KLRG1: variants seen among roughly 807,000 people sequenced by gnomAD.
KLRG1 encodes killer cell lectin like receptor G1.
In KLRG1, 16 loss-of-function variants were observed where a neutral mutation model predicts 21.8. The ratio of observed to expected loss-of-function variants is 0.73; its 90% CI spans 0.50 to 1.11. The LOEUF is 1.11. Among genes scored for constraint, KLRG1 ranks in the 50% most tolerant of loss-of-function variants. KLRG1 has a pLI of 0.00. For synonymous variants in KLRG1, 69 were observed against 75.9 expected (o/e 0.91, Z 0.47); for missense variants, 173 against 218.3 (o/e 0.79, Z 1.31).
At chr12:9,164,173 C>T in the KLRG1 span, 1 of 1,611,582 alleles carries the variant, frequency 6.2e-7, no homozygotes, top group Non-Finnish European at 8.5e-7. Flanking sequence ...AGGTTTGTCT[C>T]TCATTTCCAC....
chr12:8,982,191 AAGGTAATTATG>A (rs1382298706), intron 1 of KLRG1, among the ~76,000 whole-genome samples: 1 of 152,212 alleles, frequency 6.6e-6, no homozygotes, highest in Non-Finnish European at 1.5e-5. Flanking sequence ...ACGTGGGTTC[AAGGTAATTATG>A]AGAGTCCTTA....
At chr12:9,035,464 G>C in the KLRG1 span, among the ~76,000 whole-genome samples, 1 of 151,992 alleles carries the variant, frequency 6.6e-6, no homozygotes, top group Non-Finnish European at 1.5e-5. Context: ...GGGAGCTAGG[G>C]GGAGGGATAG....
At chr12:9,069,998 C>T in the KLRG1 span, among the ~76,000 whole-genome samples, 1 of 152,176 alleles carries the variant, frequency 6.6e-6, no homozygotes, top group African/African-American at 2.4e-5. Context: ...ATTAGTATAA[C>T]ACACGACTAA....
At chr12:9,200,965 C>G in the KLRG1 span, 2 of 1,614,120 alleles carry the variant, frequency 1.2e-6, no homozygotes, top group African/African-American at 2.7e-5. Context: ...TGTAGGAGCC[C>G]TGAATGGGCT....
the KLRG1 span, among the ~76,000 whole-genome samples, chr12:9,140,635 G>C: frequency 1.3e-5 from 2 of 152,218 alleles, no homozygotes; most frequent in Non-Finnish European, 2.9e-5. Context: ...GAAGGAATCT[G>C]AGATAAGGCC....
At chr12:9,195,245 A>G in the KLRG1 span, among the ~76,000 whole-genome samples, 7 of 152,164 alleles carry the variant, frequency 4.6e-5, no homozygotes, top group Non-Finnish European at 8.8e-5. Context: ...AAAATTTAAA[A>G]TAATAAAAAT....
the KLRG1 span, chr12:9,110,344 A>C: frequency 7.2e-6 from 10 of 1,398,340 alleles, no homozygotes; most frequent in Non-Finnish European, 9.6e-6. Flanking sequence ...TCTGAAAGAC[A>C]AAAGAAAAAA....
the KLRG1 span, chr12:9,166,933 A>G: frequency 6.6e-6 from 1 of 152,220 alleles, no homozygotes; most frequent in African/African-American, 2.4e-5. Context: ...ATCTCCCTCC[A>G]TGTATCCCAT....
the KLRG1 span, among the ~76,000 whole-genome samples, chr12:9,102,027 G>A: frequency 6.6e-6 from 1 of 152,178 alleles, no homozygotes; most frequent in Non-Finnish European, 1.5e-5. Flanking sequence ...ATAATCTCTA[G>A]AAATGGAAGA....
chr12:9,051,110 A>G, the KLRG1 span, among the ~76,000 whole-genome samples: 2 of 152,190 alleles, frequency 1.3e-5, no homozygotes, highest in Admixed American at 1.3e-4. Flanking sequence ...CCATGGACCA[A>G]TCGGCACACA....
At chr12:9,098,128 C>T in the KLRG1 span, among the ~76,000 whole-genome samples, 2 of 152,080 alleles carry the variant, frequency 1.3e-5, no homozygotes, top group Non-Finnish European at 2.9e-5. Context: ...ATATAATTTT[C>T]GAACGGCTTC....
chr12:9,043,277 C>T, the KLRG1 span, among the ~76,000 whole-genome samples: 1 of 152,068 alleles, frequency 6.6e-6, no homozygotes, highest in Non-Finnish European at 1.5e-5. Context: ...GGGGTTTCAC[C>T]ATGTTGGCCA....
At chr12:9,153,191 G>A in the KLRG1 span, 2 of 1,614,204 alleles carry the variant, frequency 1.2e-6, no homozygotes, top group Non-Finnish European at 1.7e-6. Flanking sequence ...CTGGCAATGA[G>A]ATCTGCTGCA....
intron 1 of KLRG1, among the ~76,000 whole-genome samples, chr12:8,973,457 C>G (rs1353723045): frequency 6.6e-6 from 1 of 152,072 alleles, no homozygotes; most frequent in Admixed American, 6.6e-5. Flanking sequence ...TGCCTTCTGC[C>G]CATATGAGAA....
At chr12:9,119,071 G>C in the KLRG1 span, among the ~76,000 whole-genome samples, 1 of 152,182 alleles carries the variant, frequency 6.6e-6, no homozygotes, top group African/African-American at 2.4e-5. Flanking sequence ...GACCGCTTTA[G>C]TAAGAGAATA....
At chr12:9,192,095 A>G in the KLRG1 span, 1 of 1,030,240 alleles carries the variant, frequency 9.7e-7, no homozygotes, top group Admixed American at 1.8e-5. Context: ...CTTATTGTGA[A>G]GGGATGATGG....
At chr12:9,005,899 G>T (rs12826978) in intron 3 of KLRG1, among the ~76,000 whole-genome samples, 35,560 of 152,142 alleles carry the variant, frequency 0.23, 4,894 homozygotes, top group East Asian at 0.37. Flanking sequence ...CTGACAGGGG[G>T]CAGAACTCAG....
chr12:9,008,945 C>T (rs1947557606), intron 3 of KLRG1, 30 bp from the exon 4 acceptor site: 2 of 1,413,948 alleles, frequency 1.4e-6, no homozygotes, highest in African/African-American at 2.9e-5. Flanking sequence ...GACACTAGGT[C>T]CCTTTTTTGG....
At chr12:9,116,633 C>G in the KLRG1 span, among the ~76,000 whole-genome samples, 1 of 152,176 alleles carries the variant, frequency 6.6e-6, no homozygotes, top group South Asian at 2.1e-4. Flanking sequence ...CCTCTGCAAA[C>G]TTTAAGTCAT....
Sources: allele counts gnomAD v4.1 joint callset (sites outside exome capture counted in the v4.1 genomes callset), GRCh38; gene constraint gnomAD v4.1.1; transcripts MANE v1.5; gene names NCBI Gene and HGNC (gene_info 2026-07-23, HGNC 2026-07-21).